Variants in LIN28B observed in about 807,000 individuals in gnomAD.
LIN28B encodes the protein lin-28 RNA binding posttranscriptional regulator B.
Under a neutral mutation model 21.9 loss-of-function variants are expected in LIN28B, and 5 were observed. The ratio of observed to expected loss-of-function variants is 0.23; its 90% confidence interval spans 0.12 to 0.48. The LOEUF is 0.48. Among genes scored for constraint, LIN28B ranks in the 20% least tolerant of loss-of-function variants. The pLI, the probability that LIN28B is intolerant of heterozygous loss-of-function variation, is 0.98. For synonymous variants in LIN28B, 109 were observed against 111.3 expected (o/e 0.98, Z 0.13); for missense variants, 245 against 310.5 (o/e 0.79, Z 1.58).
intron 3 of LIN28B, among the ~76,000 whole-genome samples, chr6:105,043,290 C>T (rs527932502): frequency 4.9e-5 from 6 of 122,910 alleles, no homozygotes; most frequent in South Asian, 2.6e-4. Context: ...GGCATAGTGG[C>T]GCACGCCTGT....
chr6:104,978,621 G>T (rs1770156759), intron 2 of LIN28B, among the ~76,000 whole-genome samples: 1 of 151,742 alleles, frequency 6.6e-6, no homozygotes, highest in African/African-American at 2.4e-5. Context: ...ATAATGCAGA[G>T]TGAGTCCGAT....
At chr6:105,063,336 T>TA (rs1007600435) in intron 3 of LIN28B, among the ~76,000 whole-genome samples, 19 of 152,162 alleles carry the variant, frequency 1.2e-4, no homozygotes, top group Non-Finnish European at 2.5e-4. Context: ...AAAAAGATTA[T>TA]AAAAAACACT....
intron 2 of LIN28B, among the ~76,000 whole-genome samples, chr6:105,011,722 C>T (rs1344358103): frequency 2.0e-5 from 3 of 151,928 alleles, no homozygotes; most frequent in South Asian, 2.1e-4. Flanking sequence ...TGGTGGCATG[C>T]GCCTGTGATC....
chr6:105,023,498 TA>T (rs1771200540), intron 2 of LIN28B, among the ~76,000 whole-genome samples: 1 of 2,772 alleles, frequency 3.6e-4, no homozygotes, highest in African/African-American at 7.4e-4. Flanking sequence ...ATAATATATA[TA>T]ATTATATTAT....
At chr6:105,076,940 T>C (rs187711008) in intron 3 of LIN28B, among the ~76,000 whole-genome samples, 2 of 151,878 alleles carry the variant, frequency 1.3e-5, no homozygotes, top group Admixed American at 1.3e-4. Context: ...TTAAAAACAT[T>C]ATAACCTGGC....
Position 105,078,888 on chromosome 6 carries a change from C to A in LIN28B, c.*105C>A. The A allele has an allele frequency of 7.5e-7, 1 of 1,330,746 alleles. No homozygotes were observed. The highest frequency in any genetic ancestry group is 1.0e-6 in the Non-Finnish European group (1 of 974,836). The allele number at this position is 1,330,746 out of a possible 1,614,324, so 82.4% of individuals were successfully genotyped here. A position where few individuals can be genotyped will look rare whatever the true frequency, so the allele number is the denominator to read the frequency against. On this transcript the variant is annotated 3_prime_UTR_variant, in exon 4 of 4. Transcript: ENST00000345080. ...AGCAGTAGCTGACCTGGGATTTTAA[C>A]TACTATTGGGGAACTGTGAATTTTT...
chr6:105,039,449 C>G (rs1487778888), intron 3 of LIN28B, among the ~76,000 whole-genome samples: 1 of 151,984 alleles, frequency 6.6e-6, no homozygotes, highest in Admixed American at 6.6e-5. Flanking sequence ...TTTTTAAAAA[C>G]CCTACTGTAT....
intron 3 of LIN28B, among the ~76,000 whole-genome samples, chr6:105,061,989 AC>A (rs1373700282): frequency 2.0e-5 from 3 of 151,944 alleles, no homozygotes; most frequent in East Asian, 3.9e-4. Flanking sequence ...GCCTTCCTAA[AC>A]ATGTCCTCTA....
intron 2 of LIN28B, among the ~76,000 whole-genome samples, chr6:104,991,729 C>T (rs1171597600): frequency 1.3e-5 from 2 of 152,196 alleles, no homozygotes; most frequent in East Asian, 3.9e-4. Flanking sequence ...CAACATTGAG[C>T]ACTGAGTGAA....
chr6:104,975,028 C>G (rs1293861881), intron 2 of LIN28B, among the ~76,000 whole-genome samples: 1 of 152,082 alleles, frequency 6.6e-6, no homozygotes, highest in African/African-American at 2.4e-5. Context: ...CCATGTTGGC[C>G]AGGCTGGTCT....
At chr6:104,981,416 A>C (rs913872828) in intron 2 of LIN28B, among the ~76,000 whole-genome samples, 1 of 152,114 alleles carries the variant, frequency 6.6e-6, no homozygotes, top group African/African-American at 2.4e-5. Flanking sequence ...AACTGCTCTT[A>C]ACAAAAGAAA....
At chr6:105,015,906 A>G (rs956881550) in intron 2 of LIN28B, among the ~76,000 whole-genome samples, 2 of 152,210 alleles carry the variant, frequency 1.3e-5, no homozygotes, top group African/African-American at 4.8e-5. Context: ...TATGGGGAGT[A>G]TAATGAAAAA....
In LIN28B at chr6:104,991,311, G is replaced by A. The variant is rs1404805486; in HGVS notation, c.198+33025G>A. 2.6e-5 allele frequency among the ~76,000 whole-genome samples: 4 copies of A among 151,466 alleles called. No homozygotes were observed. In the South Asian group the frequency reaches 6.3e-4, roughly 24 times the overall value. ...ACTTCTCGGACGGGGCGGCTGCCGC[G>A]CGGAGGGGCTCCTCACCTCTCAGAG... On this transcript the variant is annotated intron_variant, in intron 2 of 3. Coordinates refer to ENST00000345080, the MANE Select transcript of LIN28B (RefSeq NM_001004317.4).
At chr6:105,034,637 G>A (rs889925804) in intron 3 of LIN28B, among the ~76,000 whole-genome samples, 1 of 151,954 alleles carries the variant, frequency 6.6e-6, no homozygotes, top group Non-Finnish European at 1.5e-5. Context: ...ACATCATGGT[G>A]TATTTATCAT....
At chr6:104,979,506 C>A (rs1307950314) in intron 2 of LIN28B, among the ~76,000 whole-genome samples, 2 of 151,922 alleles carry the variant, frequency 1.3e-5, no homozygotes, top group African/African-American at 4.8e-5. Context: ...CCGTGCCCAG[C>A]CAAAGATGAT....
intron 3 of LIN28B, among the ~76,000 whole-genome samples, chr6:104,952,013 C>A (rs1778226528): frequency 6.6e-6 from 1 of 152,168 alleles, no homozygotes; most frequent in African/African-American, 2.4e-5. Flanking sequence ...ACTCTTCTTT[C>A]CTTTTTCATT....
At chr6:105,001,151 C>A (rs1016436995) in intron 2 of LIN28B, among the ~76,000 whole-genome samples, 1 of 152,150 alleles carries the variant, frequency 6.6e-6, no homozygotes, top group Non-Finnish European at 1.5e-5. Flanking sequence ...GATGCCCTTT[C>A]TTATTAAAAT....
chr6:104,958,103 G>C lies in LIN28B; in HGVS notation c.15G>C (p.Gly5=). 1 of 1,576,724 alleles carries C rather than the reference G, an allele frequency of 6.3e-7. No individual in the cohort carries two copies. Among genetic ancestry groups the C allele is most frequent in the South Asian group, 1.2e-5 (1 of 85,248 alleles). The change falls in exon 2 of 4, where the codon GGG becomes GGC. Residue 5 remains glycine (G), a synonymous_variant. Coordinates refer to ENST00000345080, the MANE Select transcript of LIN28B (RefSeq NM_001004317.4). The part of the protein sequence containing the change: MAEG[G]ASKGGGEEPG... The stretch of plus-strand genomic sequence containing the variant: ...TTTTGTCCTGTTCCTTCTCAGGCGG[G>C]GCTAGCAAAGGTGGTGGAGAAGAGC...
At chr6:104,955,995 A>G (rs1778284054), upstream of LIN28B, among the ~76,000 whole-genome samples, 1 of 152,192 alleles carries the variant, frequency 6.6e-6, no homozygotes, top group South Asian at 2.1e-4. Context: ...GAGGAAGGAC[A>G]GTAGGAGCTT....
Sources: gnomAD v4.1 joint callset for allele counts (sites outside exome capture counted in the v4.1 genomes callset) on GRCh38, gnomAD v4.1.1 for gene constraint, MANE v1.5 for transcripts, NCBI Gene and HGNC (gene_info 2026-07-23, HGNC 2026-07-21) for gene names.